LRMDA: variants seen among roughly 807,000 people sequenced by gnomAD.
LRMDA encodes the protein leucine-rich melanocyte differentiation-associated protein.
LRMDA carries 18 observed loss-of-function variants against 29.8 expected under a neutral mutation model. That is an observed-to-expected ratio of 0.60 (90% CI 0.42 to 0.90). The LOEUF (loss-of-function observed/expected upper bound fraction) is 0.90, where lower values mean the gene tolerates loss of function less well. LRMDA is among the 40% of genes least tolerant of loss of function. The pLI, the probability that LRMDA is intolerant of heterozygous loss-of-function variation, is 0.00. For synonymous variants in LRMDA, 125 were observed against 109.4 expected (o/e 1.14, Z -0.89); for missense variants, 273 against 273.9 (o/e 1.00, Z 0.02).
At chr10:76,414,272 T>G (rs1841992210) in intron 6 of LRMDA, among the ~76,000 whole-genome samples, 1 of 152,186 alleles carries the variant, frequency 6.6e-6, no homozygotes, top group Non-Finnish European at 1.5e-5. Context: ...ATCACTAATA[T>G]TTATGAGAAA....
chr10:76,244,980 C>G (rs577392453), intron 5 of LRMDA, among the ~76,000 whole-genome samples: 1 of 152,280 alleles, frequency 6.6e-6, no homozygotes, highest in African/African-American at 2.4e-5. Flanking sequence ...CATTTAACTT[C>G]TCTGAGGCTT....
rs141426887 is a variant in LRMDA at position 75,823,685 on chromosome 10, A to AGTGTGT, written c.132-212284_132-212279dup. Among the ~76,000 whole-genome samples the AGTGTGT allele has an allele frequency of 6.1e-3, 884 of 144,164 alleles. 7 individuals carry two copies. Among genetic ancestry groups the AGTGTGT allele is most frequent in the African/African-American group, 0.019 (723 of 38,084 alleles). 94.6% of individuals were successfully genotyped at this position (144,164 alleles called of 152,430 possible). A position where few individuals can be genotyped will look rare whatever the true frequency, so the allele number is the denominator to read the frequency against. On this transcript the variant is annotated intron_variant, in intron 2 of 6. Transcript: ENST00000611255. Reference sequence around the variant, plus strand: ...TCAATGGATGATTGGATTAAAATGTAGTGTGTGTGTGTGTGTGTGTGTGTG... The same window carrying AGTGTGT: ...TCAATGGATGATTGGATTAAAATGTAGTGTGTGTGTGTGTGTGTGTGTGTGTGTGTG...
At chr10:76,329,843 G>T (rs865975243) in intron 6 of LRMDA, among the ~76,000 whole-genome samples, 9 of 152,168 alleles carry the variant, frequency 5.9e-5, no homozygotes, top group East Asian at 3.9e-4. Context: ...GAAAAACTGT[G>T]TTTTTTTAAA....
chr10:76,350,598 G>A (rs1383736029), intron 6 of LRMDA, among the ~76,000 whole-genome samples: 1 of 151,996 alleles, frequency 6.6e-6, no homozygotes, highest in African/African-American at 2.4e-5. Flanking sequence ...TAACGTTGCT[G>A]GTGTAGGGTC....
intron 5 of LRMDA, among the ~76,000 whole-genome samples, chr10:76,157,726 G>A (rs1850564719): frequency 6.6e-6 from 1 of 151,918 alleles, no homozygotes; most frequent in Non-Finnish European, 1.5e-5. Context: ...AAAAAATTAT[G>A]TGTATGTGTG....
At chr10:75,522,861 T>C (rs1845376152) in intron 2 of LRMDA, among the ~76,000 whole-genome samples, 1 of 152,234 alleles carries the variant, frequency 6.6e-6, no homozygotes, top group South Asian at 2.1e-4. Context: ...CATCAGGCCC[T>C]GGAAGTGTCA....
intron 4 of LRMDA, among the ~76,000 whole-genome samples, chr10:76,057,445 G>C (rs766275019): frequency 2.6e-5 from 4 of 152,222 alleles, no homozygotes; most frequent in Admixed American, 6.5e-5. Context: ...TGTGGTGAGA[G>C]TGAGCAAATA....
chr10:76,347,710 A>G (rs74148452), intron 6 of LRMDA, among the ~76,000 whole-genome samples: 3,298 of 152,276 alleles, frequency 0.022, 133 homozygotes, highest in African/African-American at 0.073. Flanking sequence ...GTTCTTCTTG[A>G]GTAAAATGGA....
chr10:75,452,669 C>G (rs554193544), intron 2 of LRMDA, among the ~76,000 whole-genome samples: 1 of 146,888 alleles, frequency 6.8e-6, no homozygotes, highest in Admixed American at 6.9e-5. Context: ...TTTAGCAAAG[C>G]AAAGATTTGT....
intron 2 of LRMDA, among the ~76,000 whole-genome samples, chr10:75,875,440 C>CTT (rs937717180): frequency 4.7e-5 from 7 of 149,056 alleles, no homozygotes; most frequent in South Asian, 2.1e-4. Flanking sequence ...TTTTCTTTTT[C>CTT]TTTTTTTTTT....
At chr10:76,396,474 T>C (rs1841785725) in intron 6 of LRMDA, 1 of 152,212 alleles carries the variant, frequency 6.6e-6, no homozygotes, top group Non-Finnish European at 1.5e-5. Context: ...GGGGCCCCTT[T>C]CCACTGTTTC....
At chr10:76,324,341 A>G (rs750668962) in intron 5 of LRMDA, 60 bp from the exon 6 acceptor site, 38 of 1,389,334 alleles carry the variant, frequency 2.7e-5, no homozygotes, top group Non-Finnish European at 3.9e-5. Context: ...CTGGTAAATG[A>G]GGGTATTTGG....
intron 5 of LRMDA, among the ~76,000 whole-genome samples, chr10:76,181,434 G>A (rs562029602): frequency 2.0e-5 from 3 of 152,268 alleles, no homozygotes; most frequent in African/African-American, 7.2e-5. Context: ...CAGATATCCC[G>A]TCCGAGTTGC....
intron 6 of LRMDA, among the ~76,000 whole-genome samples, chr10:76,529,507 A>G (rs1843212114): frequency 6.6e-6 from 1 of 152,134 alleles, no homozygotes; most frequent in Non-Finnish European, 1.5e-5. Context: ...ATTCCATGAC[A>G]TTTGTTCTCA....
intron 2 of LRMDA, among the ~76,000 whole-genome samples, chr10:75,527,943 C>A (rs796517278): frequency 3.7e-4 from 56 of 151,858 alleles, no homozygotes; most frequent in African/African-American, 1.4e-3. Flanking sequence ...GCCACCATAC[C>A]CTGCTAATTT....
intron 2 of LRMDA, among the ~76,000 whole-genome samples, chr10:75,835,915 A>C (rs1173447243): frequency 1.3e-5 from 2 of 152,230 alleles, no homozygotes; most frequent in African/African-American, 4.8e-5. Context: ...GAGGTGACTT[A>C]GTTTACTGTT....
intron 2 of LRMDA, among the ~76,000 whole-genome samples, chr10:75,720,097 A>G (rs1275909995): frequency 1.3e-5 from 2 of 152,250 alleles, no homozygotes; most frequent in East Asian, 3.8e-4. Flanking sequence ...ACCATACATC[A>G]TACTCTAAGA....
At chr10:75,829,542 G>A (rs1844303865) in intron 2 of LRMDA, among the ~76,000 whole-genome samples, 1 of 152,106 alleles carries the variant, frequency 6.6e-6, no homozygotes, top group African/African-American at 2.4e-5. Context: ...GGTGTTCTGA[G>A]TCAACTTTCA....
At chr10:75,932,859 A>G (rs1194775244) in intron 2 of LRMDA, among the ~76,000 whole-genome samples, 1 of 152,198 alleles carries the variant, frequency 6.6e-6, no homozygotes, top group Non-Finnish European at 1.5e-5. Context: ...ATGGATGATA[A>G]TGTTGAAGAT....
Sources: gnomAD v4.1 joint callset for allele counts (sites outside exome capture counted in the v4.1 genomes callset) on GRCh38, gnomAD v4.1.1 for gene constraint, MANE v1.5 for transcripts, NCBI Gene and HGNC (gene_info 2026-07-23, HGNC 2026-07-21) for gene names.